PRODH2: variants seen among roughly 807,000 people sequenced by gnomAD.
PRODH2 encodes proline dehydrogenase 2.
Under a neutral mutation model 51.9 loss-of-function variants are expected in PRODH2, and 49 were observed. The ratio of observed to expected loss-of-function variants is 0.94; its 90% CI spans 0.75 to 1.20. PRODH2 has a LOEUF of 1.20. PRODH2 is among the 50% of genes most tolerant of loss of function. The pLI is 0.00. For synonymous variants in PRODH2, 249 were observed against 260.7 expected (o/e 0.96, Z 0.43); for missense variants, 597 against 610.9 (o/e 0.98, Z 0.24).
rs1276687932 is a variant in PRODH2, at chr19:35,800,169, C to T, written c.1252G>A (p.Val418Ile). The T allele has an allele frequency of 6.2e-7, 1 of 1,603,624 alleles. No homozygotes were observed. Among genetic ancestry groups the T allele is most frequent in the Non-Finnish European group, 8.5e-7 (1 of 1,175,092 alleles). The change falls in exon 10 of 10, where the codon GTA (valine) becomes ATA (isoleucine). Residue 418 changes from valine (V) to isoleucine (I), a missense_variant. Transcript: ENST00000653904. ...GCCCTCCGGATCAGGTAGGGGATTA[C>T]CTCCTCCAAGGAGCCATAGGGAATG... ...KSIPYGSLEEVIPYLIRRAQE... is the reference protein window; with the variant it reads ...KSIPYGSLEEIIPYLIRRAQE...
At chr19:35,808,008 C>T (rs1362377273) in intron 4 of PRODH2, among the ~76,000 whole-genome samples, 2 of 152,158 alleles carry the variant, frequency 1.3e-5, no homozygotes, top group African/African-American at 4.8e-5. Context: ...CTCCTGGACT[C>T]AAGCGATCCT....
rs1972629820 is a variant in PRODH2 at position 35,812,457 on chromosome 19, C to T, written c.274G>A (p.Glu92Lys). Residue 92 changes from glutamate (E) to lysine (K), a missense_variant, in exon 2 of 10, where the codon GAG becomes AAG. Transcript: ENST00000653904. ...GQFVAGETAE[E>K]VKGCVQQLRT... ...AGCTGCTGCACGCAGCCCTTCACCT[C>T]CTCTGCTGTCTCACCAGCCACAAAC... is the stretch of plus-strand genomic sequence containing the variant. 1.2e-6 allele frequency: 2 copies of T among 1,614,206 alleles called. No homozygotes were observed. Among genetic ancestry groups the T allele is most frequent in the African/African-American group, 1.3e-5 (1 of 75,086 alleles).
rs747776122 is a variant in PRODH2 at position 35,812,673 on chromosome 19, G to A, written c.133C>T (p.Arg45Trp). The part of the protein sequence containing the change: ...GELTRALLVL[R>W]LCAWPPLVTH... ...ACGAGTGGGGGCCAGGCACACAGCCGGAGAACCAGCAAGGCCCGTGTCAGC... is the reference window on the plus strand; with the variant it reads ...ACGAGTGGGGGCCAGGCACACAGCCAGAGAACCAGCAAGGCCCGTGTCAGC... The change falls in exon 1 of 10, where the codon CGG (arginine) becomes TGG (tryptophan). Residue 45 changes from arginine (R) to tryptophan (W), a missense_variant. Physicochemically the swap from Arg to Trp is moderately radical, Grantham distance 101 (BLOSUM62 -3). Coordinates refer to ENST00000653904, the MANE Select transcript of PRODH2 (RefSeq NM_021232.2). The A allele has an allele frequency of 5.0e-6, 8 of 1,602,032 alleles. No homozygotes were observed. The highest frequency in any genetic ancestry group is 3.4e-5 in the Admixed American group (2 of 59,188).
chr19:35,811,674 C>A (rs1375532732), intron 4 of PRODH2, among the ~76,000 whole-genome samples: 1 of 152,170 alleles, frequency 6.6e-6, no homozygotes, highest in African/African-American at 2.4e-5. Context: ...CCAGCTCACA[C>A]CCATGCAGCT....
At chr19:35,807,635 TC>T (rs1276849597) in intron 4 of PRODH2, among the ~76,000 whole-genome samples, 1 of 152,134 alleles carries the variant, frequency 6.6e-6, no homozygotes. Context: ...GAGGGCACCT[TC>T]CCACCTCCAG....
chr19:35,812,331 G>C, intron 2 of PRODH2, 29 bp downstream of exon 2: 1 of 1,609,784 alleles, frequency 6.2e-7, no homozygotes, highest in Non-Finnish European at 8.5e-7. Flanking sequence ...CGTCCTCCCA[G>C]CCTCCCTGGG....
At chr19:35,802,604 C>G in intron 8 of PRODH2, 1 of 452,070 alleles carries the variant, frequency 2.2e-6, no homozygotes, top group Non-Finnish European at 4.1e-6. Flanking sequence ...CTTTGTTACC[C>G]AGGCTGGAGT....
rs1241898163 is a variant in PRODH2 at position 35,802,935 on chromosome 19, C to T, written c.1112+33G>A. 4 of 1,445,542 alleles carry T rather than the reference C, an allele frequency of 2.8e-6. No homozygotes were observed. In the African/African-American group the frequency reaches 5.6e-5, roughly 20 times the overall value. The allele number at this position is 1,445,542 out of a possible 1,614,324, so 89.5% of individuals were successfully genotyped here. On this transcript the variant is annotated intron_variant, in intron 8 of 9. Coordinates refer to ENST00000653904, the MANE Select transcript of PRODH2 (RefSeq NM_021232.2). ...GAGGAAGGGAGGGCCCTTTTGTGGG[C>T]ACCTATTTCCCGCCCATCCCTCCAC...
intron 9 of PRODH2, 159 bp downstream of exon 9, chr19:35,802,032 G>A: frequency 1.5e-6 from 1 of 665,730 alleles, no homozygotes; most frequent in Admixed American, 2.5e-5. Context: ...ACAGACGGCA[G>A]ACACAGAGAC....
intron 4 of PRODH2, among the ~76,000 whole-genome samples, chr19:35,808,365 C>G (rs796204553): frequency 1.6e-4 from 25 of 152,240 alleles, no homozygotes; most frequent in African/African-American, 5.8e-4. Context: ...CCAACAGGGT[C>G]GATACAGATG....
chr19:35,808,103 G>A (rs1273270599), intron 4 of PRODH2, among the ~76,000 whole-genome samples: 2 of 152,162 alleles, frequency 1.3e-5, no homozygotes, highest in African/African-American at 4.8e-5. Context: ...TAAGTGCCTC[G>A]AGGTCAGGGA....
intron 7 of PRODH2, among the ~76,000 whole-genome samples, chr19:35,805,388 T>C (rs973084455): frequency 1.3e-5 from 2 of 152,082 alleles, no homozygotes; most frequent in African/African-American, 4.8e-5. Flanking sequence ...TTCCTCAGCC[T>C]CCCAAGTAGC....
chr19:35,801,593 C>T (rs1048257208), intron 9 of PRODH2, among the ~76,000 whole-genome samples: 24 of 152,000 alleles, frequency 1.6e-4, no homozygotes, highest in East Asian at 3.9e-4. Flanking sequence ...CACAGAGTTG[C>T]GGGGGGACAT....
rs1317656696 is a variant in PRODH2 at position 35,806,476 on chromosome 19, C to T, written c.955G>A (p.Gly319Arg). 3 of 1,614,024 alleles carry T rather than the reference C, an allele frequency of 1.9e-6. No individual in the cohort carries two copies. In the African/African-American group the frequency reaches 4.0e-5, roughly 22 times the overall value. ...DKERAVAQLH[G>R]MEDPTQPDYE... ...TCAGGCTGAGTGGGGTCTTCCATCC[C>T]ATGGAGCTGGGCCACCGCTCTCTCC... The change falls in exon 7 of 10, where the codon GGG (glycine) becomes AGG (arginine). Residue 319 changes from glycine to arginine, a missense_variant. Coordinates refer to ENST00000653904, the MANE Select transcript of PRODH2 (RefSeq NM_021232.2).
At chr19:35,802,874 A>T in intron 8 of PRODH2, 94 bp downstream of exon 8, 2 of 881,324 alleles carry the variant, frequency 2.3e-6, no homozygotes, top group Non-Finnish European at 3.4e-6. Flanking sequence ...TTCTCCCCAG[A>T]ACACCTCTGT....
chr19:35,800,478 A>G (rs1156674784), intron 9 of PRODH2, among the ~76,000 whole-genome samples: 2 of 151,916 alleles, frequency 1.3e-5, no homozygotes, highest in East Asian at 1.9e-4. Flanking sequence ...CGAACTCCTG[A>G]CCTCAAGTTA....
At chr19:35,807,757 T>C (rs1483513022) in intron 4 of PRODH2, among the ~76,000 whole-genome samples, 1 of 151,908 alleles carries the variant, frequency 6.6e-6, no homozygotes, top group Non-Finnish European at 1.5e-5. Context: ...TCAGCCTTAT[T>C]TTCCCTTACT....
At chr19:35,810,791 G>A (rs1027481385) in intron 4 of PRODH2, among the ~76,000 whole-genome samples, 6 of 152,166 alleles carry the variant, frequency 3.9e-5, no homozygotes, top group African/African-American at 1.4e-4. Context: ...AAAGTGCTGG[G>A]ATTACAGGCG....
At chr19:35,800,620 G>A (rs1199580036) in intron 9 of PRODH2, among the ~76,000 whole-genome samples, 12 of 152,190 alleles carry the variant, frequency 7.9e-5, no homozygotes, top group Non-Finnish European at 1.3e-4. Flanking sequence ...AGAGACTTCT[G>A]TTTCTGAGAA....
Sources: gnomAD v4.1 joint callset for allele counts (sites outside exome capture counted in the v4.1 genomes callset) on GRCh38, gnomAD v4.1.1 for gene constraint, MANE v1.5 for transcripts, NCBI Gene and HGNC (gene_info 2026-07-23, HGNC 2026-07-21) for gene names.